The following KATNB1 variants were observed in gnomAD, a reference collection of about 807,000 sequenced individuals.
KATNB1 encodes katanin regulatory subunit B1.
A neutral mutation model predicts 82.3 loss-of-function variants in KATNB1; 38 were observed. The ratio of observed to expected loss-of-function variants is 0.46; its 90% CI spans 0.36 to 0.61. KATNB1 has a LOEUF of 0.61. Among genes scored for constraint, KATNB1 ranks in the 20% least tolerant of loss-of-function variants. KATNB1 has a pLI of 0.00. For synonymous variants in KATNB1, 361 were observed against 368.7 expected, an observed-to-expected ratio of 0.98 and a Z score of 0.24; for missense variants, 749 against 915.7, an observed-to-expected ratio of 0.82 and a Z score of 2.35.
chr16:57,755,539 C>T lies in KATNB1; in HGVS notation c.1566+45C>T, dbSNP rs781789766. 4.4e-6 allele frequency: 7 copies of T among 1,589,572 alleles called. No homozygotes were observed. The Admixed American group carries it at 8.5e-5, about 19-fold the overall frequency. On this transcript the variant is annotated intron_variant, in intron 16 of 19. Transcript: ENST00000379661. The stretch of plus-strand genomic sequence containing the variant: ...CAGGGCCTCATCTCGCCCCCCTGCC[C>T]CTGCCACCTGCCTGCCCGGGCTTGG...
chr16:57,753,029 T>C, intron 10 of KATNB1, 48 bp from the exon 11 acceptor site: 4 of 1,587,874 alleles, frequency 2.5e-6, no homozygotes, highest in Non-Finnish European at 3.4e-6. Context: ...GGCTGGGATT[T>C]TGCCCCCTCG....
intron 18 of KATNB1, 138 bp downstream of exon 18, chr16:57,756,204 G>A (rs1555586243): frequency 8.5e-7 from 1 of 1,170,290 alleles, no homozygotes; most frequent in Non-Finnish European, 1.2e-6. Context: ...CCCCTCAACA[G>A]TCCGGAGGTG....
In KATNB1 at chr16:57,755,135, G is replaced by A. The variant is rs782326704; in HGVS notation, c.1313G>A (p.Arg438Gln). Reference sequence around the variant, plus strand: ...CACTTTCAGCTGGAGGTCCTGCCCCGGCCCCCAGTGGTTGCTTCCACACCT... The same window carrying A: ...CACTTTCAGCTGGAGGTCCTGCCCCAGCCCCCAGTGGTTGCTTCCACACCT... ...FPVPNLEVLP[R>Q]PPVVASTPAP... Residue 438 changes from arginine (R) to glutamine (Q), a missense_variant, in exon 15 of 20, where the codon CGG becomes CAG. By Grantham distance (43) the Arg-to-Gln change is conservative (BLOSUM62 1). This residue lies in a region of KATNB1 where 407 missense variants were observed against 434.7 expected (regional missense o/e 0.94). Transcript: ENST00000379661. The A allele has an allele frequency of 1.6e-5, 26 of 1,612,648 alleles. No individual in the cohort carries two copies. Among genetic ancestry groups the A allele is most frequent in the South Asian group, 2.2e-5 (2 of 91,082 alleles).
chr16:57,752,403 C>A, intron 8 of KATNB1, 127 bp from the exon 9 acceptor site: 2 of 858,024 alleles, frequency 2.3e-6, no homozygotes, highest in Middle Eastern at 2.2e-4. Context: ...GCCAGCTCTG[C>A]CCCAGATGTT....
chr16:57,752,119 C>T lies in KATNB1; in HGVS notation c.632+64C>T, dbSNP rs569666975. ...GTCCTTCACCGCCTTGTCCTCTGTG[C>T]GTGTCTCTACTGCCGGTCTGTCGCT... On this transcript the variant is annotated intron_variant, in intron 8 of 19. Transcript: ENST00000379661. 196 of 1,004,746 alleles carry T rather than the reference C, an allele frequency of 2.0e-4. 3 individuals carry two copies. The South Asian group carries it at 2.5e-3, about 13-fold the overall frequency. 62.2% of individuals were successfully genotyped at this position (1,004,746 alleles called of 1,614,324 possible). A position where few individuals can be genotyped will look rare whatever the true frequency, so the allele number is the denominator to read the frequency against.
intron 4 of KATNB1, among the ~76,000 whole-genome samples, chr16:57,748,291 A>G (rs2049197750): frequency 1.3e-5 from 2 of 152,026 alleles, no homozygotes; most frequent in African/African-American, 4.8e-5. Flanking sequence ...GGTGACAGTG[A>G]CAGACAGGCA....
chr16:57,750,760 G>T (rs1567900352), intron 4 of KATNB1, 67 bp from the exon 5 acceptor site: 1 of 1,209,240 alleles, frequency 8.3e-7, no homozygotes, highest in African/African-American at 1.5e-5. Context: ...AATGCCCACA[G>T]CAGCCCTTCC....
intron 4 of KATNB1, among the ~76,000 whole-genome samples, chr16:57,747,070 C>T (rs797031339): frequency 8.6e-4 from 131 of 152,236 alleles, no homozygotes; most frequent in African/African-American, 2.9e-3. Flanking sequence ...TTAGTAGAGA[C>T]GGGGTTTCTC....
intron 3 of KATNB1, among the ~76,000 whole-genome samples, chr16:57,743,603 G>A (rs1169133458): frequency 6.6e-6 from 1 of 152,080 alleles, no homozygotes; most frequent in Non-Finnish European, 1.5e-5. Flanking sequence ...GGCCTGGCCT[G>A]CAGGCTTGTT....
chr16:57,755,655 TCA>T lies in KATNB1; in HGVS notation c.1566+164_1566+165del, dbSNP rs1194462416. The T allele has an allele frequency of 2.8e-6, 3 of 1,056,820 alleles. No homozygotes were observed. The African/African-American group carries it at 4.8e-5, about 17-fold the overall frequency. The allele number at this position is 1,056,820 out of a possible 1,614,324, so 65.5% of individuals were successfully genotyped here. A position where few individuals can be genotyped will look rare whatever the true frequency, so the allele number is the denominator to read the frequency against. ...TCTGTTTCCGCCATCATCATCATCA[TCA>T]CAGACTGCCGTTTAGTGAGCATCTG... is the stretch of plus-strand genomic sequence containing the variant. On this transcript the variant is annotated intron_variant, in intron 16 of 19. Coordinates refer to ENST00000379661, the MANE Select transcript of KATNB1 (RefSeq NM_005886.3).
In KATNB1 at chr16:57,752,883, C is replaced by T. The variant is rs139164480; in HGVS notation, c.810C>T (p.Val270=). The T allele has an allele frequency of 1.1e-4, 179 of 1,607,446 alleles. No individual in the cohort carries two copies. The African/African-American group carries it at 2.2e-3, about 20-fold the overall frequency. Residue 270 remains valine (V), a synonymous_variant, in exon 10 of 20, where the codon GTC becomes GTT. Transcript: ENST00000379661. The part of the protein sequence containing the change: ...EPERCFDVVL[V]NWGKVADLAI... ...AGCGGTGCTTTGATGTGGTCCTCGTCAACTGGGGCAAGGTGGCCGACCTGG... is the reference window on the plus strand; with the variant it reads ...AGCGGTGCTTTGATGTGGTCCTCGTTAACTGGGGCAAGGTGGCCGACCTGG...
intron 4 of KATNB1, among the ~76,000 whole-genome samples, chr16:57,746,943 G>A (rs951544404): frequency 1.1e-4 from 17 of 152,276 alleles, no homozygotes; most frequent in Admixed American, 7.2e-4. Context: ...GTGCAGTGGT[G>A]TAATCTCAGC....
At chr16:57,755,767 TACCCCCACCCTC>T (rs2049271172) in intron 16 of KATNB1, 62 bp from the exon 17 acceptor site, 5 of 1,408,048 alleles carry the variant, frequency 3.6e-6, no homozygotes, top group Non-Finnish European at 3.9e-6. Context: ...TTCACGTTCG[TACCCCCACCCTC>T]ACCCTCACAG....
chr16:57,746,481 A>C (rs1424516530), intron 4 of KATNB1, among the ~76,000 whole-genome samples: 2 of 152,140 alleles, frequency 1.3e-5, no homozygotes, highest in African/African-American at 4.8e-5. Context: ...CACTGGTTTC[A>C]TGCGGTTGTG....
intron 2 of KATNB1, 76 bp downstream of exon 2, chr16:57,737,359 G>A: frequency 1.9e-6 from 3 of 1,545,940 alleles, no homozygotes; most frequent in Non-Finnish European, 2.7e-6. Context: ...TGAACCCACA[G>A]CTTTGTTTCC....
At position 57,737,163 on chromosome 16, in the gene KATNB1, T is replaced by C; in HGVS notation, c.-81T>C. 6.6e-7 allele frequency: 1 copy of C among 1,512,932 alleles called. No individual in the cohort carries two copies. The highest frequency in any genetic ancestry group is 1.1e-5 in the South Asian group (1 of 87,986). 93.7% of individuals were successfully genotyped at this position (1,512,932 alleles called of 1,614,324 possible). A position where few individuals can be genotyped will look rare whatever the true frequency, so the allele number is the denominator to read the frequency against. Reference sequence around the variant, plus strand: ...TCTCTGCCAACTTGATTGGTGGATCTGGGGGGGGATCCACCCCCACCCCAC... The same window carrying C: ...TCTCTGCCAACTTGATTGGTGGATCCGGGGGGGGATCCACCCCCACCCCAC... On this transcript the variant is annotated 5_prime_UTR_variant, in exon 2 of 20. Transcript: ENST00000379661.
Position 57,737,273 on chromosome 16 carries a change from C to T in KATNB1, c.30C>T (p.Ala10=). 1 of 1,614,230 alleles carries T rather than the reference C, an allele frequency of 6.2e-7. No individual in the cohort carries two copies. Among genetic ancestry groups the T allele is most frequent in the South Asian group, 1.1e-5 (1 of 91,088 alleles). Residue 10 remains alanine, a synonymous_variant, in exon 2 of 20, where the codon GCC becomes GCT. Transcript: ENST00000379661. MATPVVTKT[A]WKLQEIVAHA... is the part of the protein sequence containing the mutation. ...CCACCCCTGTGGTCACCAAGACAGC[C>T]TGGAAGTTGCGTGAGTGGTTTTCAT... is the stretch of plus-strand genomic sequence containing the variant.
chr16:57,746,152 C>T (rs1555581385), intron 4 of KATNB1, among the ~76,000 whole-genome samples: 1 of 152,188 alleles, frequency 6.6e-6, no homozygotes, highest in African/African-American at 2.4e-5. Flanking sequence ...CTGCTACCCC[C>T]ATCATTTGCT....
chr16:57,744,340 C>A, intron 3 of KATNB1, 54 bp from the exon 4 acceptor site: 1 of 1,457,892 alleles, frequency 6.9e-7, no homozygotes, highest in Non-Finnish European at 9.6e-7. Context: ...ATTCAGGGCG[C>A]AACTGCAGGG....
Sources: allele counts gnomAD v4.1 joint callset (sites outside exome capture counted in the v4.1 genomes callset), GRCh38; gene constraint gnomAD v4.1.1; regional missense constraint gnomAD v4.1.1; transcripts MANE v1.5; gene names NCBI Gene and HGNC (gene_info 2026-07-23, HGNC 2026-07-21).